SP140: variants seen among roughly 807,000 people sequenced by gnomAD.
SP140 encodes the protein nuclear body protein SP140.
A neutral mutation model predicts 125.0 loss-of-function variants in SP140; 81 were observed. The ratio of observed to expected loss-of-function variants is 0.65; its 90% confidence interval spans 0.54 to 0.78. SP140 has a LOEUF of 0.78. Among genes scored for constraint, SP140 ranks in the 30% least tolerant of loss-of-function variants. The pLI, the probability that SP140 is intolerant of heterozygous loss-of-function variation, is 0.00. For synonymous variants in SP140, 312 were observed against 354.0 expected (o/e 0.88, Z 1.33); for missense variants, 858 against 1,037.0 (o/e 0.83, Z 2.37).
chr2:230,251,088 T>C, intron 10 of SP140, 27 bp downstream of exon 10: 12 of 1,593,644 alleles, frequency 7.5e-6, no homozygotes, highest in Non-Finnish European at 1.0e-5. Context: ...TTTCTGGCCC[T>C]GGGCTGCAGA....
At chr2:230,215,122 T>C in intron 3 of SP140, 2 of 1,611,894 alleles carry the variant, frequency 1.2e-6, no homozygotes, top group Non-Finnish European at 1.7e-6. Context: ...GAGATTCCTA[T>C]AAAAATGGAG....
At chr2:230,191,318 C>T in the SP140 span, among the ~76,000 whole-genome samples, 2,588 of 151,846 alleles carry the variant, frequency 0.017, 61 homozygotes, top group African/African-American at 0.059. Flanking sequence ...GATAGAGACA[C>T]AAAAAACCCT....
chr2:230,310,117 CCG>C, intron 23 of SP140, 78 bp downstream of exon 23: 2 of 1,395,368 alleles, frequency 1.4e-6, no homozygotes, highest in Non-Finnish European at 2.0e-6. Context: ...CAGCAGAGTG[CCG>C]GCTTGTGTCT....
At chr2:230,209,068 T>G (rs2044185827) in intron 1 of SP140, among the ~76,000 whole-genome samples, 3 of 152,216 alleles carry the variant, frequency 2.0e-5, no homozygotes, top group African/African-American at 7.2e-5. Context: ...TATTTTTGAT[T>G]CTTTTTCTTT....
At chr2:230,233,337 A>G (rs2047522131) in intron 1 of SP140, among the ~76,000 whole-genome samples, 1 of 152,176 alleles carries the variant, frequency 6.6e-6, no homozygotes, top group African/African-American at 2.4e-5. Flanking sequence ...CTTTACCAAG[A>G]TATCGCACCA....
At chr2:230,275,229 GT>G (rs2054540938) in intron 15 of SP140, among the ~76,000 whole-genome samples, 1 of 152,006 alleles carries the variant, frequency 6.6e-6, no homozygotes, top group Non-Finnish European at 1.5e-5. Flanking sequence ...GGCACATCTC[GT>G]TTGATTGCAC....
intron 15 of SP140, among the ~76,000 whole-genome samples, chr2:230,281,453 G>T (rs548015514): frequency 6.6e-6 from 1 of 152,116 alleles, no homozygotes; most frequent in Non-Finnish European, 1.5e-5. Flanking sequence ...CAAGTATTAA[G>T]TGTACCATTT....
upstream of SP140, among the ~76,000 whole-genome samples, chr2:230,198,690 GT>G (rs1210994360): frequency 6.6e-6 from 1 of 152,048 alleles, no homozygotes; most frequent in African/African-American, 2.4e-5. Context: ...TGCCTCCTGG[GT>G]TCAAGCAATT....
rs200911132 is a variant in SP140, at chr2:230,294,334, C to T, written c.2016+16C>T. The T allele has an allele frequency of 7.0e-6, 11 of 1,578,348 alleles. No individual in the cohort carries two copies. The African/African-American group carries it at 9.4e-5, about 14-fold the overall frequency. On this transcript the variant is annotated intron_variant, in intron 21 of 26. Transcript: ENST00000392045. ...GAAAAAAAAGGTGATTATTACATAGCTTTATACAGCTTCTTGTCACATAAC... is the reference window on the plus strand; with the variant it reads ...GAAAAAAAAGGTGATTATTACATAGTTTTATACAGCTTCTTGTCACATAAC...
At chr2:230,243,655 C>T (rs1295773637) in intron 4 of SP140, 76 bp from the exon 5 acceptor site, 2 of 1,194,186 alleles carry the variant, frequency 1.7e-6, no homozygotes, top group Non-Finnish European at 2.5e-6. Context: ...TTAGTTTTCT[C>T]ATTATTTGTT....
chr2:230,186,195 C>T, the SP140 span: 2 of 1,574,582 alleles, frequency 1.3e-6, no homozygotes, highest in Non-Finnish European at 1.7e-6. Context: ...CTCATGTTCC[C>T]AGCCCCTACC....
At chr2:230,245,147 T>A in intron 6 of SP140, 67 bp downstream of exon 6, 1 of 1,028,972 alleles carries the variant, frequency 9.7e-7, no homozygotes. Context: ...CAACCAACAC[T>A]TCCTTCTCTC....
chr2:230,241,589 T>C (rs2048735376), intron 4 of SP140, 102 bp downstream of exon 4: 3 of 712,620 alleles, frequency 4.2e-6, no homozygotes, highest in Admixed American at 2.1e-5. Context: ...CCCTCTGTTA[T>C]CTCCCAGTCC....
intron 10 of SP140, 86 bp downstream of exon 10, chr2:230,251,147 C>A: frequency 9.2e-7 from 1 of 1,087,836 alleles, no homozygotes. Context: ...TGTCTTTCCT[C>A]CAAGTATACT....
At chr2:230,316,437 G>T (rs1268059458), downstream of SP140, among the ~76,000 whole-genome samples, 1 of 152,160 alleles carries the variant, frequency 6.6e-6, no homozygotes, top group South Asian at 2.1e-4. Context: ...GCTTTGTAAC[G>T]TGTGTGTGTT....
upstream of SP140, among the ~76,000 whole-genome samples, chr2:230,221,942 T>C (rs1234644039): frequency 1.3e-5 from 2 of 152,164 alleles, no homozygotes; most frequent in African/African-American, 4.8e-5. Context: ...CATATATGCT[T>C]GGCTGGGCAC....
intron 22 of SP140, among the ~76,000 whole-genome samples, chr2:230,307,978 T>C (rs1467277665): frequency 5.3e-5 from 5 of 94,552 alleles, no homozygotes; most frequent in South Asian, 8.2e-4. Context: ...TATATATATA[T>C]ATATATATAT....
At chr2:230,200,860 G>C, upstream of SP140, 2 of 1,547,078 alleles carry the variant, frequency 1.3e-6, no homozygotes, top group Non-Finnish European at 1.8e-6. Context: ...ACTGTACTCT[G>C]AGACCAGCAA....
At position 230,211,416 on chromosome 2, in the gene SP140, C is replaced by G; in HGVS notation, c.-322-2238C>G. On this transcript the variant is annotated intron_variant, in intron 1 of 4. Transcript: ENST00000456542. The surrounding 1 kb of genome is among the most constrained non-coding windows in gnomAD (Gnocchi z 4.2). Reference sequence around the variant, plus strand: ...CTAGAAGATCCGAATGGCTTTTCCTCTTAGTAAACACAGAAACAAAGGCAA... The same window carrying G: ...CTAGAAGATCCGAATGGCTTTTCCTGTTAGTAAACACAGAAACAAAGGCAA... The G allele has an allele frequency of 8.7e-7, 1 of 1,143,780 alleles. No individual in the cohort carries two copies. The highest frequency in any genetic ancestry group is 1.7e-5 in the Admixed American group (1 of 59,426). 70.9% of individuals were successfully genotyped at this position (1,143,780 alleles called of 1,614,324 possible).
Sources: allele counts gnomAD v4.1 joint callset (sites outside exome capture counted in the v4.1 genomes callset), GRCh38; gene constraint gnomAD v4.1.1; non-coding constraint Gnocchi (gnomAD v3.1); transcripts MANE v1.5; gene names NCBI Gene and HGNC (gene_info 2026-07-23, HGNC 2026-07-21).